CR1: variants seen among roughly 807,000 people sequenced by gnomAD.
The protein encoded by CR1 is complement receptor type 1.
CR1 carries 116 observed loss-of-function variants against 187.3 expected under a neutral mutation model. The observed-to-expected ratio is 0.62, with a 90% CI of 0.53 to 0.72. CR1 has a LOEUF of 0.72. Ranked by LOEUF, CR1 falls within the 30% of genes least tolerant of loss-of-function variation. The probability of loss-of-function intolerance (pLI) is 0.00; values close to 1 mark genes in which losing one functional copy is unlikely to be tolerated. For missense variants in CR1, 1,731 were observed against 2,110.7 expected, an observed-to-expected ratio of 0.82 and a Z score of 3.52; for synonymous variants, 576 against 747.1, an observed-to-expected ratio of 0.77 and a Z score of 3.73.
chr1:207,595,723 T>A (rs1040293089), intron 35 of CR1, among the ~76,000 whole-genome samples: 1 of 150,954 alleles, frequency 6.6e-6, no homozygotes, highest in African/African-American at 2.4e-5. Flanking sequence ...AGTTTTTCTT[T>A]TTGAAGAAGA....
At chr1:207,587,332 G>A in intron 33 of CR1, 54 bp from the exon 34 acceptor site, 1 of 1,465,456 alleles carries the variant, frequency 6.8e-7, no homozygotes, top group Non-Finnish European at 9.3e-7. Context: ...GAAAGAGGAG[G>A]TAGGGTGGAA....
chr1:207,515,319 C>T (rs545639665), intron 4 of CR1, among the ~76,000 whole-genome samples: 1 of 148,718 alleles, frequency 6.7e-6, no homozygotes, highest in East Asian at 2.0e-4. Flanking sequence ...TATATATACA[C>T]ATATATATAG....
At chr1:207,504,044 T>G (rs750037441) in intron 1 of CR1, among the ~76,000 whole-genome samples, 5 of 152,236 alleles carry the variant, frequency 3.3e-5, no homozygotes, top group African/African-American at 7.2e-5. Flanking sequence ...CTGCAAAAGT[T>G]ACAACCACAG....
chr1:207,622,549 G>A lies in CR1; in HGVS notation c.7277-444G>A, dbSNP rs1404226292. Among the ~76,000 whole-genome samples the A allele has an allele frequency of 3.9e-5, 6 of 152,270 alleles. No individual in the cohort carries two copies. The East Asian group carries it at 1.2e-3, about 29-fold the overall frequency. On this transcript the variant is annotated intron_variant, in intron 44 of 46. Coordinates refer to ENST00000367049, the MANE Select transcript of CR1 (RefSeq NM_000651.6). ...GTAACTTGTCCAAGACCACAGAATGGGGTAGCCTGGGTCTACTTATCTGTG... is the reference window on the plus strand; with the variant it reads ...GTAACTTGTCCAAGACCACAGAATGAGGTAGCCTGGGTCTACTTATCTGTG...
chr1:207,565,966 A>C, intron 24 of CR1, 43 bp downstream of exon 24: 2 of 1,607,574 alleles, frequency 1.2e-6, no homozygotes, highest in East Asian at 2.2e-5. Context: ...TCTCCCCTTC[A>C]TCTGTTCACT....
chr1:207,617,148 A>G (rs961905150), intron 41 of CR1, among the ~76,000 whole-genome samples: 2 of 152,130 alleles, frequency 1.3e-5, no homozygotes, highest in East Asian at 1.9e-4. Context: ...CTCTACTACT[A>G]CGAGTTATCT....
At chr1:207,617,599 A>ATG (rs1235267337) in intron 41 of CR1, among the ~76,000 whole-genome samples, 1 of 28,690 alleles carries the variant, frequency 3.5e-5, no homozygotes, top group African/African-American at 1.3e-4. Flanking sequence ...ATATATATAT[A>ATG]TATATATATA....
chr1:207,610,330 T>C (rs925086802), intron 37 of CR1, among the ~76,000 whole-genome samples: 1 of 152,160 alleles, frequency 6.6e-6, no homozygotes, highest in African/African-American at 2.4e-5. Flanking sequence ...TTTGATTGTT[T>C]GTTTGTTTGT....
intron 28 of CR1, among the ~76,000 whole-genome samples, chr1:207,577,432 A>AC (rs1355051580): frequency 6.6e-6 from 1 of 152,230 alleles, no homozygotes; most frequent in African/African-American, 2.4e-5. Context: ...GTAATTTGAA[A>AC]TTAAAAAACA....
Position 207,573,396 on chromosome 1 carries a change from T to A in CR1, c.4452-2199T>A, listed in dbSNP as rs12076910. Among the ~76,000 whole-genome samples the A allele has an allele frequency of 2.0e-3, 298 of 152,314 alleles. 1 individual carries two copies. Among genetic ancestry groups the A allele is most frequent in the African/African-American group, 6.0e-3 (251 of 41,536 alleles). ...GATGTCTCCTTTTCTCTCTTTTTTT[T>A]AAGCATTTTTAAATGCAATTGGTAA... On this transcript the variant is annotated intron_variant, in intron 27 of 46. Coordinates refer to ENST00000367049, the MANE Select transcript of CR1 (RefSeq NM_000651.6).
intron 28 of CR1, among the ~76,000 whole-genome samples, chr1:207,576,439 A>G (rs999251837): frequency 3.3e-5 from 5 of 152,198 alleles, no homozygotes; most frequent in Non-Finnish European, 5.9e-5. Context: ...ATCTGTAAGT[A>G]TCATGTTTAT....
intron 4 of CR1, among the ~76,000 whole-genome samples, chr1:207,519,209 G>A (rs1298455258): frequency 6.6e-6 from 1 of 151,530 alleles, no homozygotes; most frequent in Non-Finnish European, 1.5e-5. Context: ...TATATTTAAA[G>A]CTTGTCTCTT....
intron 45 of CR1, among the ~76,000 whole-genome samples, chr1:207,626,766 G>A (rs574442043): frequency 6.6e-6 from 1 of 152,292 alleles, no homozygotes; most frequent in East Asian, 1.9e-4. Flanking sequence ...GGCTGGGTGC[G>A]ATGGCTCAGG....
At chr1:207,600,370 T>G (rs1009411705) in intron 35 of CR1, among the ~76,000 whole-genome samples, 4 of 152,184 alleles carry the variant, frequency 2.6e-5, no homozygotes, top group Non-Finnish European at 5.9e-5. Flanking sequence ...TAAGGCTGCT[T>G]TGATTCTTGT....
At chr1:207,500,150 A>G (rs892587341) in intron 1 of CR1, among the ~76,000 whole-genome samples, 3 of 152,258 alleles carry the variant, frequency 2.0e-5, no homozygotes, top group African/African-American at 4.8e-5. Flanking sequence ...GAGAGACTCA[A>G]TGTGACTGTT....
At chr1:207,581,046 C>T (rs1660920072) in intron 31 of CR1, among the ~76,000 whole-genome samples, 1 of 150,692 alleles carries the variant, frequency 6.6e-6, no homozygotes, top group African/African-American at 2.4e-5. Context: ...GTGCAGCTTC[C>T]AGTAAGGCAC....
At chr1:207,505,852 A>G in intron 1 of CR1, 52 bp from the exon 2 acceptor site, 3 of 1,553,216 alleles carry the variant, frequency 1.9e-6, no homozygotes, top group Non-Finnish European at 2.6e-6. Context: ...GAAAAAAAAA[A>G]GTATGGTAAT....
At position 207,598,433 on chromosome 1, in the gene CR1, T is replaced by TC. The variant is rs397724149; in HGVS notation, c.5811-8817dup. 5.3e-5 allele frequency among the ~76,000 whole-genome samples: 8 copies of TC among 151,760 alleles called. No homozygotes were observed. The South Asian group carries it at 8.3e-4, about 16-fold the overall frequency. ...ATAAAGACAAGAACTTTTTTTTTTT[T>TC]CTTTTGAGATGGAGTCTCGCTCTGT... On this transcript the variant is annotated intron_variant, in intron 35 of 46. Coordinates refer to ENST00000367049, the MANE Select transcript of CR1 (RefSeq NM_000651.6).
chr1:207,578,095 G>A lies in CR1; in HGVS notation c.4828G>A (p.Glu1610Lys). ...CAACAGAAGCTTATTTTCCTTAAAT[G>A]AAGTTGTGGAGTTTAGGTGTCAGCC... ...SDNRSLFSLN[E>K]VVEFRCQPGF... The change falls in exon 29 of 47, where the codon GAA becomes AAA. Residue 1610 changes from glutamate (E) to lysine (K), a missense_variant. Transcript: ENST00000367049. The A allele has an allele frequency of 9.3e-6, 15 of 1,611,792 alleles. No individual in the cohort carries two copies. The highest frequency in any genetic ancestry group is 1.3e-5 in the Non-Finnish European group (15 of 1,179,674).
Sources: allele counts gnomAD v4.1 joint callset (sites outside exome capture counted in the v4.1 genomes callset), GRCh38; gene constraint gnomAD v4.1.1; transcripts MANE v1.5; gene names NCBI Gene and HGNC (gene_info 2026-07-23, HGNC 2026-07-21).